The following PLXNA4 variants were observed in gnomAD, a reference collection of about 807,000 sequenced individuals.
The protein encoded by PLXNA4 is plexin A4.
Under a neutral mutation model 191.8 loss-of-function variants are expected in PLXNA4, and 44 were observed. The observed-to-expected ratio is 0.23, with a 90% confidence interval of 0.18 to 0.29. PLXNA4 has a LOEUF of 0.29. Among genes scored for constraint, PLXNA4 ranks in the 10% least tolerant of loss-of-function variants. The pLI, the probability that PLXNA4 is intolerant of heterozygous loss-of-function variation, is 1.00. For missense variants in PLXNA4, 1,800 were observed against 2,488.8 expected (o/e 0.72, Z 5.89); for synonymous variants, 1,082 against 1,009.5 (o/e 1.07, Z -1.36).
chr7:132,469,615 G>T (rs751323639), intron 3 of PLXNA4, among the ~76,000 whole-genome samples: 1 of 152,228 alleles, frequency 6.6e-6, no homozygotes, highest in Non-Finnish European at 1.5e-5. Context: ...AAGCCAAGCA[G>T]AGAACATGTC....
At chr7:132,236,550 C>T (rs1407390731) in intron 5 of PLXNA4, among the ~76,000 whole-genome samples, 1 of 152,136 alleles carries the variant, frequency 6.6e-6, no homozygotes, top group Admixed American at 6.5e-5. Context: ...CTAACAAATG[C>T]ATTGATTCTA....
intron 1 of PLXNA4, among the ~76,000 whole-genome samples, chr7:132,510,127 C>A (rs541626656): frequency 6.6e-6 from 1 of 152,236 alleles, no homozygotes; most frequent in East Asian, 1.9e-4. Flanking sequence ...TCTTCCAGTT[C>A]GAGAGAATTC....
At chr7:132,141,003 G>T (rs770361081) in intron 29 of PLXNA4, among the ~76,000 whole-genome samples, 192 bp from the exon 30 acceptor site, 5 of 152,174 alleles carry the variant, frequency 3.3e-5, no homozygotes, top group Non-Finnish European at 7.3e-5. Context: ...TTACCTTCCA[G>T]GAAACTGAGG....
At chr7:132,139,072 C>T (rs954458386) in intron 30 of PLXNA4, among the ~76,000 whole-genome samples, 2 of 152,188 alleles carry the variant, frequency 1.3e-5, no homozygotes, top group African/African-American at 2.4e-5. Flanking sequence ...GAGTGAGCCA[C>T]TGTCTACATA....
chr7:132,447,000 A>G lies in PLXNA4; in HGVS notation c.1371+42292T>C, dbSNP rs1031784039. On this transcript the variant is annotated intron_variant, in intron 3 of 31. Transcript: ENST00000321063. The stretch of plus-strand genomic sequence containing the variant: ...TTTCATTAGGCATCTTTGCCCAGTG[A>G]TCTGCTGATTTGTTATATTAGAATT... Among the ~76,000 whole-genome samples the G allele has an allele frequency of 4.6e-4, 70 of 152,048 alleles. 1 individual carries two copies. The highest frequency in any genetic ancestry group is 1.8e-4 in the Non-Finnish European group (12 of 68,030).
chr7:132,258,818 T>C (rs768299657), intron 4 of PLXNA4, among the ~76,000 whole-genome samples: 6 of 152,214 alleles, frequency 3.9e-5, no homozygotes, highest in Non-Finnish European at 7.3e-5. Flanking sequence ...GGTAAAAACT[T>C]AGTTGCCTAA....
At chr7:132,561,513 C>A (rs1801062835) in intron 1 of PLXNA4, among the ~76,000 whole-genome samples, 2 of 133,174 alleles carry the variant, frequency 1.5e-5, no homozygotes, top group Admixed American at 7.3e-5. Flanking sequence ...ACCTCCTCCT[C>A]CTCCTTCTCC....
At chr7:132,429,886 A>G (rs945100175) in intron 3 of PLXNA4, among the ~76,000 whole-genome samples, 4 of 152,208 alleles carry the variant, frequency 2.6e-5, no homozygotes, top group African/African-American at 7.2e-5. Flanking sequence ...AAATCATCCT[A>G]CGAGGTTTAC....
chr7:132,249,659 G>C (rs1421728359), intron 4 of PLXNA4, among the ~76,000 whole-genome samples: 3 of 152,232 alleles, frequency 2.0e-5, no homozygotes, highest in Admixed American at 6.5e-5. Flanking sequence ...GCTTGCCCAA[G>C]GTCACGCAGC....
At chr7:132,277,884 C>G (rs1016429554) in intron 4 of PLXNA4, among the ~76,000 whole-genome samples, 1 of 152,160 alleles carries the variant, frequency 6.6e-6, no homozygotes, top group African/African-American at 2.4e-5. Flanking sequence ...CAACCGTAGA[C>G]CACACATGTA....
chr7:132,254,616 G>T (rs1799369488), intron 4 of PLXNA4, among the ~76,000 whole-genome samples: 1 of 152,204 alleles, frequency 6.6e-6, no homozygotes, highest in African/African-American at 2.4e-5. Context: ...ACAGTCAGGG[G>T]ACCCAGCGGC....
At chr7:132,274,264 A>ATG (rs906603799) in intron 4 of PLXNA4, among the ~76,000 whole-genome samples, 7 of 150,958 alleles carry the variant, frequency 4.6e-5, no homozygotes, top group African/African-American at 1.5e-4. Context: ...TTACGCTAAT[A>ATG]TGTATATATA....
In PLXNA4 at chr7:132,125,177, C is replaced by A. The variant is rs778388084; in HGVS notation, c.*5302G>T. The A allele has an allele frequency of 1.3e-5, 2 of 152,026 alleles. No individual in the cohort carries two copies. Among genetic ancestry groups the A allele is most frequent in the Non-Finnish European group, 2.9e-5 (2 of 68,050 alleles). The allele number at this position is 152,026 out of a possible 1,614,324, so 9.4% of individuals were successfully genotyped here. On this transcript the variant is annotated 3_prime_UTR_variant, in exon 32 of 32. Transcript: ENST00000321063. ...ATGAGGAGAGGTTTGCAGAGTGTCC[C>A]AGCCTCATTCGGGAGCTGTGTCAGT...
At chr7:132,426,175 G>A (rs937161856) in intron 3 of PLXNA4, among the ~76,000 whole-genome samples, 2 of 152,208 alleles carry the variant, frequency 1.3e-5, no homozygotes, top group Non-Finnish European at 2.9e-5. Context: ...GGCCAAGCAA[G>A]AGAAGATGCC....
chr7:132,534,909 T>C (rs1236372835), intron 1 of PLXNA4, among the ~76,000 whole-genome samples: 2 of 152,220 alleles, frequency 1.3e-5, no homozygotes, highest in Non-Finnish European at 2.9e-5. Context: ...TATGACAGTA[T>C]ACCTGAGCCA....
chr7:132,447,356 G>C (rs1187496114), intron 3 of PLXNA4, among the ~76,000 whole-genome samples: 1 of 152,208 alleles, frequency 6.6e-6, no homozygotes, highest in Non-Finnish European at 1.5e-5. Context: ...AATGGGAAGG[G>C]AAGGAGGGGA....
At chr7:132,169,740 G>T (rs1325387719) in intron 21 of PLXNA4, among the ~76,000 whole-genome samples, 1 of 152,014 alleles carries the variant, frequency 6.6e-6, no homozygotes, top group Non-Finnish European at 1.5e-5. Context: ...GCCATGTTCT[G>T]CTTGGTGCTG....
At chr7:132,263,281 CA>C (rs35429886) in intron 4 of PLXNA4, among the ~76,000 whole-genome samples, 7 of 152,146 alleles carry the variant, frequency 4.6e-5, no homozygotes, top group Non-Finnish European at 8.8e-5. Context: ...CTGGCCATGC[CA>C]AATGTGTTCT....
chr7:132,168,560 G>A lies in PLXNA4; in HGVS notation c.4030C>T (p.Arg1344Trp), dbSNP rs375720148. The change falls in exon 22 of 32, where the codon CGG becomes TGG. Residue 1344 changes from arginine (R) to tryptophan (W), a missense_variant. Arg to Trp is a moderately radical substitution (Grantham distance 101). Transcript: ENST00000321063. ...AGGCCTTTCTCCACACGCTCCTGCC[G>A]GTAGCCCGGGACCTGCAGAGAGACC... ...VLRDLEVPGY[R>W]QERVEKGLKL... 1.8e-5 allele frequency: 28 copies of A among 1,584,394 alleles called. No homozygotes were observed. Among genetic ancestry groups the A allele is most frequent in the Middle Eastern group, 1.7e-4 (1 of 5,950 alleles).
Sources: gnomAD v4.1 joint callset for allele counts (sites outside exome capture counted in the v4.1 genomes callset) on GRCh38, gnomAD v4.1.1 for gene constraint, MANE v1.5 for transcripts, NCBI Gene and HGNC (gene_info 2026-07-23, HGNC 2026-07-21) for gene names.